The following SLC1A7 variants were observed in gnomAD, a reference collection of about 807,000 sequenced individuals.
The protein encoded by SLC1A7 is excitatory amino acid transporter 5.
Under a neutral mutation model 47.7 loss-of-function variants are expected in SLC1A7, and 40 were observed. That is an observed-to-expected ratio of 0.84 (90% CI 0.65 to 1.09). The LOEUF (loss-of-function observed/expected upper bound fraction) is 1.09. Ranked by LOEUF, SLC1A7 falls within the 50% of genes least tolerant of loss-of-function variation. The pLI is 0.00. For synonymous variants in SLC1A7, 323 were observed against 325.6 expected (o/e 0.99, Z 0.09); for missense variants, 746 against 769.5 (o/e 0.97, Z 0.36).
chr1:53,089,944 G>T lies in SLC1A7; in HGVS notation c.1227-10C>A, dbSNP rs775929530. ...TGCAGTGGCTGTGATACTGCAGGGGGTGGGAAGGGGAAGAGGAGCAGCAGG... is the reference window on the plus strand; with the variant it reads ...TGCAGTGGCTGTGATACTGCAGGGGTTGGGAAGGGGAAGAGGAGCAGCAGG... On this transcript the variant is annotated splice_polypyrimidine_tract_variant and intron_variant, in intron 8 of 10. Transcript: ENST00000371494. 12 of 1,612,672 alleles carry T rather than the reference G, an allele frequency of 7.4e-6. No homozygotes were observed. In the Admixed American group the frequency reaches 1.8e-4, roughly 25 times the overall value.
chr1:53,087,299 A>G lies in SLC1A7; in HGVS notation c.*710T>C, dbSNP rs936806351. On this transcript the variant is annotated 3_prime_UTR_variant, in exon 11 of 11. Transcript: ENST00000371494. ...TGGGGAGTTCTGACACCAGGGCCCCATCGGCAGCTCCACCAGAGCATCCTG... is the reference window on the plus strand; with the variant it reads ...TGGGGAGTTCTGACACCAGGGCCCCGTCGGCAGCTCCACCAGAGCATCCTG... 2.0e-5 allele frequency: 3 copies of G among 152,244 alleles called. No individual in the cohort carries two copies. The highest frequency in any genetic ancestry group is 1.9e-4 in the East Asian group (1 of 5,202). The allele number at this position is 152,244 out of a possible 1,614,324, so 9.4% of individuals were successfully genotyped here.
intron 2 of SLC1A7, among the ~76,000 whole-genome samples, chr1:53,116,410 A>C (rs1644761928): frequency 6.6e-6 from 1 of 152,228 alleles, no homozygotes; most frequent in African/African-American, 2.4e-5. Context: ...TTCTGATTGA[A>C]TGCTGGGTCC....
chr1:53,135,537 G>A (rs190946897), intron 1 of SLC1A7, among the ~76,000 whole-genome samples: 6 of 152,318 alleles, frequency 3.9e-5, no homozygotes, highest in Non-Finnish European at 7.3e-5. Flanking sequence ...GCCTGTCCAC[G>A]GATCTCTGAC....
At position 53,092,689 on chromosome 1, in the gene SLC1A7, G is replaced by T; in HGVS notation, c.896C>A (p.Thr299Asn). ...GTGGAGCACCAGCCCGCACACCACG[G>T]TGACTGAGTAGAAGCCCAGCTTCTT... ...VGKKLGFYSV[T>N]VVCGLVLHGL... is the part of the protein sequence containing the mutation. Residue 299 changes from threonine (T) to asparagine (N), a missense_variant, in exon 7 of 11, where the codon ACC (threonine) becomes AAC (asparagine). By Grantham distance (65) the Thr-to-Asn change is moderately conservative. Transcript: ENST00000371494. 1 of 1,614,108 alleles carries T rather than the reference G, an allele frequency of 6.2e-7. No homozygotes were observed. The highest frequency in any genetic ancestry group is 1.1e-5 in the South Asian group (1 of 91,080).
chr1:53,114,650 G>T, intron 3 of SLC1A7, 108 bp downstream of exon 3: 1 of 903,756 alleles, frequency 1.1e-6, no homozygotes, highest in South Asian at 1.6e-5. Flanking sequence ...GGTGATCATG[G>T]ACTCCGTGAT....
chr1:53,127,534 C>T (rs939088687), intron 2 of SLC1A7, among the ~76,000 whole-genome samples: 2 of 152,170 alleles, frequency 1.3e-5, no homozygotes, highest in South Asian at 2.1e-4. Context: ...CAGGCCACCC[C>T]GATGACCCAA....
At chr1:53,137,099 C>T (rs1645008682) in intron 1 of SLC1A7, among the ~76,000 whole-genome samples, 1 of 152,072 alleles carries the variant, frequency 6.6e-6, no homozygotes, top group African/African-American at 2.4e-5. Flanking sequence ...CCAGCCCAGC[C>T]AACATGGCAA....
chr1:53,108,342 T>C (rs1644666981), intron 3 of SLC1A7: 1 of 554,900 alleles, frequency 1.8e-6, no homozygotes, highest in Admixed American at 3.3e-5. Context: ...CTTATACCTA[T>C]ATAGACATTT....
intron 2 of SLC1A7, among the ~76,000 whole-genome samples, chr1:53,118,784 G>A (rs1233035985): frequency 6.6e-6 from 1 of 152,148 alleles, no homozygotes; most frequent in African/African-American, 2.4e-5. Flanking sequence ...GATCACCTGA[G>A]GTCAGGAGTT....
At chr1:53,132,575 G>T (rs1474204155) in intron 2 of SLC1A7, among the ~76,000 whole-genome samples, 2 of 152,200 alleles carry the variant, frequency 1.3e-5, no homozygotes, top group African/African-American at 2.4e-5. Context: ...GCTGGGCACG[G>T]TGGCTCATGC....
At chr1:53,108,247 G>C in intron 3 of SLC1A7, 1 of 268,342 alleles carries the variant, frequency 3.7e-6, no homozygotes, top group Non-Finnish European at 7.1e-6. Flanking sequence ...ACTCACTCTT[G>C]TCCTCGGTAA....
Position 53,103,565 on chromosome 1 carries a change from G to A in SLC1A7, c.478C>T (p.Arg160Cys), listed in dbSNP as rs116623976. Residue 160 changes from arginine to cysteine, a missense_variant, in exon 5 of 11, where the codon CGC becomes TGC. By Grantham distance (180) the Arg-to-Cys change is radical (BLOSUM62 -3). Transcript: ENST00000371494. Reference sequence around the variant, plus strand: ...TTGACAACTGGGGTGGTCTTGGTGCGGTACTGGTGGGTGACACCCCACCCA... The same window carrying A: ...TTGACAACTGGGGTGGTCTTGGTGCAGTACTGGTGGGTGACACCCCACCCA... ...NLVEATFKQY[R>C]TKTTPVVKSP... The A allele has an allele frequency of 0.012, 18,102 of 1,565,356 alleles. 130 individuals are homozygous for A. The highest frequency in any genetic ancestry group is 0.014 in the Non-Finnish European group (16,330 of 1,153,106).
chr1:53,139,364 C>T lies in SLC1A7; in HGVS notation c.135+2951G>A, dbSNP rs553230328. On this transcript the variant is annotated intron_variant, in intron 1 of 10. Coordinates refer to ENST00000371494, the MANE Select transcript of SLC1A7 (RefSeq NM_006671.6). The stretch of plus-strand genomic sequence containing the variant: ...AGCGATCTGAAACCGTGCTGGGGAC[C>T]CCACTCAGACAAGGATGTCTGTTAA... Among the ~76,000 whole-genome samples the T allele has an allele frequency of 2.6e-5, 4 of 152,296 alleles. No individual in the cohort carries two copies. The East Asian group carries it at 7.7e-4, about 29-fold the overall frequency.
At chr1:53,135,965 T>TA (rs1332503259) in intron 1 of SLC1A7, among the ~76,000 whole-genome samples, 2 of 151,832 alleles carry the variant, frequency 1.3e-5, no homozygotes, top group South Asian at 4.1e-4. Context: ...GTTGGTGCTA[T>TA]GAGGGGACTC....
At chr1:53,137,777 T>G (rs1323107692) in intron 1 of SLC1A7, among the ~76,000 whole-genome samples, 1 of 152,242 alleles carries the variant, frequency 6.6e-6, no homozygotes, top group Non-Finnish European at 1.5e-5. Flanking sequence ...ATCAGTTCTC[T>G]TTTATCCTGC....
chr1:53,137,445 G>C (rs1645013558), intron 1 of SLC1A7, among the ~76,000 whole-genome samples: 1 of 151,992 alleles, frequency 6.6e-6, no homozygotes, highest in Non-Finnish European at 1.5e-5. Flanking sequence ...GCTATTTCTT[G>C]ATTCATCATT....
At position 53,093,467 on chromosome 1, in the gene SLC1A7, G is replaced by C; in HGVS notation, c.791C>G (p.Ala264Gly). ...NESVMKIVAV[A>G]VWYFPFGIVF... ...GGTAAATGAGGAGGCTTACCACACA[G>C]CCACCGCCACGATCTTCATGACCGA... The change falls in exon 6 of 11, where the codon GCT becomes GGT. Residue 264 changes from alanine (A) to glycine (G), a missense_variant. Ala to Gly is a moderately conservative substitution (Grantham distance 60, BLOSUM62 0). Transcript: ENST00000371494. 1 of 1,608,338 alleles carries C rather than the reference G, an allele frequency of 6.2e-7. No homozygotes were observed. The highest frequency in any genetic ancestry group is 8.5e-7 in the Non-Finnish European group (1 of 1,178,692).
chr1:53,134,652 T>G (rs1208279902), intron 1 of SLC1A7, among the ~76,000 whole-genome samples: 1 of 152,112 alleles, frequency 6.6e-6, no homozygotes, highest in Non-Finnish European at 1.5e-5. Context: ...GCCTTAAGCA[T>G]CTTCTGTGAC....
rs769809865 is a variant in SLC1A7, at chr1:53,090,052, G to A, written c.1227-118C>T. The A allele has an allele frequency of 9.1e-6, 10 of 1,099,892 alleles. No individual in the cohort carries two copies. In the South Asian group the frequency reaches 1.2e-4, roughly 13 times the overall value. The allele number at this position is 1,099,892 out of a possible 1,614,324, so 68.1% of individuals were successfully genotyped here. A position where few individuals can be genotyped will look rare whatever the true frequency, so the allele number is the denominator to read the frequency against. ...TCTGGGACAGCCATTTGGTGCGGGG[G>A]GTGGGTAGGAATGCCACACCAGGGA... On this transcript the variant is annotated intron_variant, in intron 8 of 10. Transcript: ENST00000371494.
Sources: gnomAD v4.1 joint callset for allele counts (sites outside exome capture counted in the v4.1 genomes callset) on GRCh38, gnomAD v4.1.1 for gene constraint, MANE v1.5 for transcripts, NCBI Gene and HGNC (gene_info 2026-07-23, HGNC 2026-07-21) for gene names.